Variants in GALNTL6 observed in about 807,000 individuals in gnomAD.
The protein encoded by GALNTL6 is polypeptide N-acetylgalactosaminyltransferase-like 6.
Under a neutral mutation model 73.7 loss-of-function variants are expected in GALNTL6, and 46 were observed. That is an observed-to-expected ratio of 0.62 (90% CI 0.49 to 0.80). The LOEUF (loss-of-function observed/expected upper bound fraction) is 0.80. Ranked by LOEUF, GALNTL6 falls within the 30% of genes least tolerant of loss-of-function variation. The pLI is 0.00. For missense variants in GALNTL6, 604 were observed against 755.0 expected, an observed-to-expected ratio of 0.80 and a Z score of 2.34; for synonymous variants, 259 against 263.7, an observed-to-expected ratio of 0.98 and a Z score of 0.17.
At chr4:172,315,253 T>C (rs924565568) in intron 4 of GALNTL6, among the ~76,000 whole-genome samples, 1 of 152,144 alleles carries the variant, frequency 6.6e-6, no homozygotes, top group Non-Finnish European at 1.5e-5. Context: ...CCCTACACTT[T>C]GGGTTGATTT....
At chr4:172,261,939 G>A (rs1448718426) in intron 3 of GALNTL6, among the ~76,000 whole-genome samples, 1 of 150,934 alleles carries the variant, frequency 6.6e-6, no homozygotes, top group Non-Finnish European at 1.5e-5. Flanking sequence ...TCTTGTTTTG[G>A]GGTTCCTTTT....
At chr4:171,898,448 C>T (rs1736990453) in intron 2 of GALNTL6, among the ~76,000 whole-genome samples, 1 of 152,012 alleles carries the variant, frequency 6.6e-6, no homozygotes, top group South Asian at 2.1e-4. Context: ...CCACTAGAGA[C>T]ACAAATATCC....
intron 5 of GALNTL6, among the ~76,000 whole-genome samples, chr4:172,436,312 G>A (rs1731632801): frequency 6.6e-6 from 1 of 152,052 alleles, no homozygotes; most frequent in Admixed American, 6.6e-5. Flanking sequence ...CAAATCTTAA[G>A]CTCATAAGAT....
intron 7 of GALNTL6, among the ~76,000 whole-genome samples, chr4:172,866,549 A>G (rs929477206): frequency 6.6e-6 from 1 of 152,166 alleles, no homozygotes; most frequent in Non-Finnish European, 1.5e-5. Context: ...TTAGATGTTG[A>G]TTATTGTTGG....
chr4:172,717,029 T>G (rs931232417), intron 5 of GALNTL6, among the ~76,000 whole-genome samples: 8 of 152,206 alleles, frequency 5.3e-5, no homozygotes, highest in African/African-American at 1.9e-4. Flanking sequence ...TGGATGCCCC[T>G]ATATATTAAC....
At chr4:172,824,169 G>C (rs146592223) in intron 7 of GALNTL6, among the ~76,000 whole-genome samples, 1 of 152,174 alleles carries the variant, frequency 6.6e-6, no homozygotes, top group African/African-American at 2.4e-5. Flanking sequence ...AGCCTTACAT[G>C]TGGTGTGCCG....
intron 2 of GALNTL6, among the ~76,000 whole-genome samples, chr4:171,973,491 T>C (rs1739629967): frequency 6.6e-6 from 1 of 152,094 alleles, no homozygotes; most frequent in African/African-American, 2.4e-5. Context: ...TTCTGTCACG[T>C]TTTCACATGG....
chr4:172,177,815 G>GCACA (rs1560955627), intron 2 of GALNTL6, among the ~76,000 whole-genome samples: 19 of 123,368 alleles, frequency 1.5e-4, no homozygotes, highest in African/African-American at 7.9e-4. Context: ...ACATATATGT[G>GCACA]TGTGTATATA....
chr4:172,331,512 T>C (rs1446616503), intron 4 of GALNTL6, among the ~76,000 whole-genome samples: 1 of 152,238 alleles, frequency 6.6e-6, no homozygotes, highest in Non-Finnish European at 1.5e-5. Flanking sequence ...GCTGAAACTT[T>C]AGGCTGGTTG....
chr4:172,589,010 A>T (rs1579217797), intron 5 of GALNTL6, among the ~76,000 whole-genome samples: 1 of 152,250 alleles, frequency 6.6e-6, no homozygotes, highest in South Asian at 2.1e-4. Context: ...TAACTACATT[A>T]GTCGATTAAA....
chr4:172,595,352 G>A (rs879483028), intron 5 of GALNTL6, among the ~76,000 whole-genome samples: 4 of 152,046 alleles, frequency 2.6e-5, no homozygotes, highest in Non-Finnish European at 5.9e-5. Context: ...GAGTCATTAC[G>A]AACTAGGCTT....
intron 3 of GALNTL6, among the ~76,000 whole-genome samples, chr4:172,249,423 C>T (rs1338684368): frequency 1.3e-5 from 2 of 152,186 alleles, no homozygotes; most frequent in African/African-American, 2.4e-5. Flanking sequence ...AAGAAAAACC[C>T]ATTTTCTGGA....
At position 172,948,906 on chromosome 4, in the gene GALNTL6, T is replaced by C. The variant is rs1749304145; in HGVS notation, c.1150-3131T>C. 2.0e-5 allele frequency among the ~76,000 whole-genome samples: 3 copies of C among 152,190 alleles called. No homozygotes were observed. In the South Asian group the frequency reaches 6.2e-4, roughly 32 times the overall value. On this transcript the variant is annotated intron_variant, in intron 9 of 12. Transcript: ENST00000506823. ...GACCCTTGGTGACAGCTTTCCAACA[T>C]GCTGACTTCTGCCTCTTTTACTTAT...
intron 2 of GALNTL6, among the ~76,000 whole-genome samples, chr4:172,121,626 C>G (rs936197135): frequency 6.6e-6 from 1 of 152,028 alleles, no homozygotes; most frequent in Non-Finnish European, 1.5e-5. Context: ...AAGTCAGTGT[C>G]AAAACTTTCT....
chr4:172,749,866 T>TA (rs1737327709), intron 5 of GALNTL6, among the ~76,000 whole-genome samples: 2 of 128,570 alleles, frequency 1.6e-5, no homozygotes, highest in Non-Finnish European at 3.3e-5. Flanking sequence ...CTCAACCTTT[T>TA]AATTAGGTCA....
At chr4:172,871,965 G>T (rs886570694) in intron 7 of GALNTL6, among the ~76,000 whole-genome samples, 1 of 152,012 alleles carries the variant, frequency 6.6e-6, no homozygotes, top group Non-Finnish European at 1.5e-5. Context: ...GGCTAATATT[G>T]TATTTTTAGT....
At chr4:172,223,295 T>A (rs1273857889) in intron 2 of GALNTL6, among the ~76,000 whole-genome samples, 1 of 152,038 alleles carries the variant, frequency 6.6e-6, no homozygotes, top group South Asian at 2.1e-4. Flanking sequence ...ACCAAAAAAA[T>A]TTATGTTCTG....
At chr4:172,831,180 A>AAAAAAAAAAAAAAAAAAT (rs1742615914) in intron 7 of GALNTL6, among the ~76,000 whole-genome samples, 1 of 119,456 alleles carries the variant, frequency 8.4e-6, no homozygotes, top group African/African-American at 2.7e-5. Flanking sequence ...AAAAAAAAAA[A>AAAAAAAAAAAAAAAAAAT]AAAAAAAAAA....
At chr4:172,349,593 T>C (rs1222385934) in intron 5 of GALNTL6, among the ~76,000 whole-genome samples, 1 of 152,066 alleles carries the variant, frequency 6.6e-6, no homozygotes, top group Non-Finnish European at 1.5e-5. Context: ...CTGCTTGGTG[T>C]GCTAATTGTG....
Sources: allele counts gnomAD v4.1 joint callset (sites outside exome capture counted in the v4.1 genomes callset), GRCh38; gene constraint gnomAD v4.1.1; transcripts MANE v1.5; gene names NCBI Gene and HGNC (gene_info 2026-07-23, HGNC 2026-07-21).